The following DRC5 variants were observed in gnomAD, a reference collection of about 807,000 sequenced individuals.
DRC5 encodes T-complex-associated testis-expressed protein 1.
the DRC5 span, among the ~76,000 whole-genome samples, chr6:44,291,111 C>T: frequency 2.6e-4 from 39 of 152,296 alleles, 1 homozygote; most frequent in African/African-American, 7.0e-4. Flanking sequence ...ACATGGCTGC[C>T]GTGTGCATGG....
At chr6:44,291,808 G>A in the DRC5 span, among the ~76,000 whole-genome samples, 1 of 152,172 alleles carries the variant, frequency 6.6e-6, no homozygotes, top group African/African-American at 2.4e-5. Context: ...CTGCATTCCA[G>A]ACTCAAGTCC....
chr6:44,287,969 G>A, the DRC5 span: 1 of 1,029,122 alleles, frequency 9.7e-7, no homozygotes, highest in Non-Finnish European at 1.4e-6. Context: ...GTCTTGGTGG[G>A]CATTTACTAA....
the DRC5 span, among the ~76,000 whole-genome samples, chr6:44,289,559 C>T: frequency 6.6e-6 from 1 of 152,106 alleles, no homozygotes; most frequent in African/African-American, 2.4e-5. Flanking sequence ...CCATGCCCTG[C>T]CCAAGGTGCC....
At chr6:44,297,072 C>G in the DRC5 span, among the ~76,000 whole-genome samples, 1 of 152,276 alleles carries the variant, frequency 6.6e-6, no homozygotes, top group African/African-American at 2.4e-5. Context: ...AGTCTCCCAC[C>G]CCTCCTCCCT....
At chr6:44,281,538 C>A in the DRC5 span, among the ~76,000 whole-genome samples, 3 of 152,308 alleles carry the variant, frequency 2.0e-5, no homozygotes, top group African/African-American at 7.2e-5. Flanking sequence ...GTGCATGCCA[C>A]CACATTGGGC....
the DRC5 span, among the ~76,000 whole-genome samples, chr6:44,291,257 C>T: frequency 6.6e-6 from 1 of 152,212 alleles, no homozygotes; most frequent in African/African-American, 2.4e-5. Context: ...AGTTAATCAT[C>T]TCTTGATTTT....
At chr6:44,282,913 C>T in the DRC5 span, among the ~76,000 whole-genome samples, 1 of 151,300 alleles carries the variant, frequency 6.6e-6, no homozygotes, top group Non-Finnish European at 1.5e-5. Context: ...CACCATTCTC[C>T]TGCCTCAGCC....
At chr6:44,289,818 G>C in the DRC5 span, among the ~76,000 whole-genome samples, 3 of 152,224 alleles carry the variant, frequency 2.0e-5, no homozygotes, top group Non-Finnish European at 4.4e-5. Flanking sequence ...AGATCTGCTG[G>C]AGGAAAGCCC....
At chr6:44,293,686 A>C in the DRC5 span, among the ~76,000 whole-genome samples, 6 of 152,138 alleles carry the variant, frequency 3.9e-5, no homozygotes, top group African/African-American at 1.4e-4. Flanking sequence ...CCTGCCCTCC[A>C]CTAGGCAAGA....
At chr6:44,286,121 A>C in the DRC5 span, 1 of 1,614,104 alleles carries the variant, frequency 6.2e-7, no homozygotes, top group Non-Finnish European at 8.5e-7. Flanking sequence ...CAGATCGCCC[A>C]GTTGGTAGTG....
chr6:44,280,032 T>C, the DRC5 span: 2 of 707,010 alleles, frequency 2.8e-6, no homozygotes, highest in Non-Finnish European at 4.7e-6. Flanking sequence ...CCCTGCCTCA[T>C]GTCTCCATCC....
At chr6:44,286,653 G>T in the DRC5 span, 2 of 838,492 alleles carry the variant, frequency 2.4e-6, no homozygotes, top group African/African-American at 3.4e-5. Flanking sequence ...CTGCTTAGGG[G>T]ATAGACAGCC....
chr6:44,293,091 A>G, the DRC5 span, among the ~76,000 whole-genome samples: 1 of 152,142 alleles, frequency 6.6e-6, no homozygotes, highest in Non-Finnish European at 1.5e-5. Context: ...TCAGTAGATG[A>G]AAGAGTTCAA....
At chr6:44,287,985 G>T in the DRC5 span, 1 of 878,452 alleles carries the variant, frequency 1.1e-6, no homozygotes, top group Non-Finnish European at 1.7e-6. Context: ...ACTAAGAGAG[G>T]TGGTACAGAA....
At chr6:44,281,066 T>C in the DRC5 span, among the ~76,000 whole-genome samples, 1 of 152,202 alleles carries the variant, frequency 6.6e-6, no homozygotes, top group East Asian at 1.9e-4. Flanking sequence ...TGTGCGTGTA[T>C]GTGCCTGTGT....
chr6:44,287,361 G>A, the DRC5 span: 4 of 558,190 alleles, frequency 7.2e-6, no homozygotes, highest in Non-Finnish European at 9.1e-6. Context: ...ACCTGCCAGT[G>A]GGAACAGAAG....
the DRC5 span, among the ~76,000 whole-genome samples, chr6:44,296,944 T>TTCACTTACCACAGCCCCTGGACTTGG: frequency 6.6e-6 from 1 of 150,758 alleles, no homozygotes; most frequent in Non-Finnish European, 1.5e-5. Context: ...TCGGCCCGTG[T>TTCACTTACCACAGCCCCTGGACTTGG]GCTTGGACTT....
chr6:44,291,865 G>A, the DRC5 span, among the ~76,000 whole-genome samples: 14 of 152,100 alleles, frequency 9.2e-5, no homozygotes, highest in African/African-American at 3.1e-4. Flanking sequence ...TCCAGATGCC[G>A]GCACCAGAAA....
chr6:44,286,400 T>A, the DRC5 span: 4 of 1,614,188 alleles, frequency 2.5e-6, no homozygotes, highest in Non-Finnish European at 3.4e-6. Flanking sequence ...GGGCCAGCGA[T>A]GCATGCAGCA....
Sources: allele counts gnomAD v4.1 joint callset (sites outside exome capture counted in the v4.1 genomes callset), GRCh38; gene constraint gnomAD v4.1.1; transcripts MANE v1.5; gene names NCBI Gene and HGNC (gene_info 2026-07-23, HGNC 2026-07-21).